The following MAGI2 variants were observed in gnomAD, a reference collection of about 807,000 sequenced individuals.
MAGI2 encodes the protein membrane-associated guanylate kinase, WW and PDZ domain-containing protein 2.
Under a neutral mutation model 133.3 loss-of-function variants are expected in MAGI2, and 35 were observed. The observed-to-expected ratio is 0.26, with a 90% CI of 0.20 to 0.35. MAGI2 has a LOEUF of 0.35. MAGI2 is among the 10% of genes least tolerant of loss of function. The pLI, the probability that MAGI2 is intolerant of heterozygous loss-of-function variation, is 1.00. For missense variants in MAGI2, 1,636 were observed against 1,863.4 expected, an observed-to-expected ratio of 0.88 and a Z score of 2.25; for synonymous variants, 729 against 710.6, an observed-to-expected ratio of 1.03 and a Z score of -0.41.
intron 20 of MAGI2, among the ~76,000 whole-genome samples, chr7:78,085,577 C>T (rs1454093469): frequency 7.0e-6 from 1 of 143,458 alleles, no homozygotes; most frequent in African/African-American, 2.9e-5. Context: ...CACACACACA[C>T]ACACAAACAA....
intron 9 of MAGI2, among the ~76,000 whole-genome samples, chr7:78,258,508 C>T (rs763155174): frequency 6.6e-6 from 1 of 152,130 alleles, no homozygotes; most frequent in Non-Finnish European, 1.5e-5. Context: ...CCCCAACTTG[C>T]ACTCCTTTAC....
At chr7:78,750,683 C>G (rs928198451) in intron 2 of MAGI2, among the ~76,000 whole-genome samples, 1 of 152,044 alleles carries the variant, frequency 6.6e-6, no homozygotes, top group African/African-American at 2.4e-5. Context: ...CTCTGGAGAA[C>G]AGATATGGTG....
At chr7:78,297,376 T>G (rs1797365796) in intron 9 of MAGI2, among the ~76,000 whole-genome samples, 1 of 152,048 alleles carries the variant, frequency 6.6e-6, no homozygotes, top group Non-Finnish European at 1.5e-5. Context: ...TTTACACTGT[T>G]GGTGGGACTG....
intron 10 of MAGI2, among the ~76,000 whole-genome samples, chr7:78,225,744 A>G (rs1300442425): frequency 3.3e-5 from 5 of 152,194 alleles, no homozygotes; most frequent in Non-Finnish European, 7.3e-5. Flanking sequence ...TTCTTTCTAA[A>G]CAGTCCAGTC....
intron 1 of MAGI2, among the ~76,000 whole-genome samples, chr7:79,224,265 T>C (rs566975539): frequency 6.6e-6 from 1 of 152,178 alleles, no homozygotes; most frequent in Admixed American, 6.5e-5. Context: ...ATGCCATCAC[T>C]GCTTAAAACC....
At chr7:78,119,786 G>T (rs924640621) in intron 20 of MAGI2, among the ~76,000 whole-genome samples, 3 of 151,752 alleles carry the variant, frequency 2.0e-5, no homozygotes, top group Non-Finnish European at 2.9e-5. Flanking sequence ...CCCTAAAACC[G>T]CTCTTAAAAA....
At chr7:78,946,343 C>T (rs1184532411) in intron 2 of MAGI2, among the ~76,000 whole-genome samples, 1 of 152,116 alleles carries the variant, frequency 6.6e-6, no homozygotes, top group Non-Finnish European at 1.5e-5. Context: ...TTGCTTATCA[C>T]ATACAAAAGA....
chr7:78,342,689 CT>C (rs1790513664), intron 9 of MAGI2, among the ~76,000 whole-genome samples: 1 of 152,170 alleles, frequency 6.6e-6, no homozygotes, highest in Non-Finnish European at 1.5e-5. Flanking sequence ...AATCATCATT[CT>C]TAGCAAACTA....
At chr7:79,009,959 A>T (rs924900118) in intron 1 of MAGI2, among the ~76,000 whole-genome samples, 5 of 152,162 alleles carry the variant, frequency 3.3e-5, no homozygotes, top group African/African-American at 4.8e-5. Flanking sequence ...GTAAACACTC[A>T]TTAAAAAAAC....
intron 1 of MAGI2, among the ~76,000 whole-genome samples, chr7:79,122,514 A>C (rs1016690061): frequency 6.6e-6 from 1 of 152,242 alleles, no homozygotes; most frequent in Non-Finnish European, 1.5e-5. Flanking sequence ...CAGTTGATAC[A>C]TAGAGTTTAT....
intron 7 of MAGI2, among the ~76,000 whole-genome samples, chr7:78,363,143 A>G (rs908912478): frequency 6.6e-6 from 1 of 152,206 alleles, no homozygotes; most frequent in African/African-American, 2.4e-5. Flanking sequence ...CCTCCTTATG[A>G]ATGACTGAAG....
rs148411695 is a variant in MAGI2, at chr7:78,464,446, A to G, written c.1045+25315T>C. 5.0e-3 allele frequency among the ~76,000 whole-genome samples: 765 copies of G among 152,180 alleles called. 5 individuals carry two copies. Among genetic ancestry groups the G allele is most frequent in the African/African-American group, 0.018 (734 of 41,520 alleles). On this transcript the variant is annotated intron_variant, in intron 6 of 21. Coordinates refer to ENST00000354212, the MANE Select transcript of MAGI2 (RefSeq NM_012301.4). ...CTTGTCTGGCTTTTGTGTCAACCCT[A>G]CTGCTCATATCCCCCTATACCTGTA...
At chr7:78,229,484 A>G (rs1789734903) in intron 10 of MAGI2, among the ~76,000 whole-genome samples, 1 of 152,186 alleles carries the variant, frequency 6.6e-6, no homozygotes, top group African/African-American at 2.4e-5. Flanking sequence ...GGAAGAAACC[A>G]CATACTGGGC....
At chr7:78,154,548 T>G (rs1824197953) in intron 16 of MAGI2, among the ~76,000 whole-genome samples, 1 of 152,210 alleles carries the variant, frequency 6.6e-6, no homozygotes, top group Admixed American at 6.5e-5. Flanking sequence ...CTGAATATGT[T>G]CTAACCTGCT....
At chr7:79,172,544 G>T (rs1432287366) in intron 1 of MAGI2, among the ~76,000 whole-genome samples, 1 of 151,970 alleles carries the variant, frequency 6.6e-6, no homozygotes. Flanking sequence ...CATGTTAATA[G>T]TTCAAATTAG....
intron 4 of MAGI2, among the ~76,000 whole-genome samples, chr7:78,513,546 T>C (rs1795783516): frequency 1.3e-5 from 2 of 151,990 alleles, no homozygotes; most frequent in South Asian, 4.2e-4. Context: ...AGAGAATATA[T>C]GACTGTGATT....
intron 2 of MAGI2, among the ~76,000 whole-genome samples, chr7:78,996,434 A>T (rs1010678643): frequency 3.3e-5 from 5 of 152,240 alleles, no homozygotes; most frequent in African/African-American, 1.2e-4. Context: ...ACGTGTTCTC[A>T]CTTATAAGTG....
At chr7:78,848,670 A>G (rs990975143) in intron 2 of MAGI2, among the ~76,000 whole-genome samples, 1 of 152,080 alleles carries the variant, frequency 6.6e-6, no homozygotes, top group East Asian at 1.9e-4. Context: ...CCATTCTGTC[A>G]ACCCCAAGCT....
At chr7:78,876,062 C>A (rs1429890412) in intron 2 of MAGI2, among the ~76,000 whole-genome samples, 2 of 151,994 alleles carry the variant, frequency 1.3e-5, no homozygotes, top group Non-Finnish European at 2.9e-5. Flanking sequence ...GTGGCTCATG[C>A]CTGTAATTCC....
Sources: allele counts gnomAD v4.1 joint callset (sites outside exome capture counted in the v4.1 genomes callset), GRCh38; gene constraint gnomAD v4.1.1; transcripts MANE v1.5; gene names NCBI Gene and HGNC (gene_info 2026-07-23, HGNC 2026-07-21).